Variants in CTNNBL1 observed in about 807,000 individuals in gnomAD.
CTNNBL1 encodes the protein catenin beta like 1.
Under a neutral mutation model 72.7 loss-of-function variants are expected in CTNNBL1, and 31 were observed. That is an observed-to-expected ratio of 0.43 (90% CI 0.32 to 0.58). CTNNBL1 has a LOEUF of 0.58. CTNNBL1 is among the 20% of genes least tolerant of loss of function. The pLI is 0.08. For missense variants in CTNNBL1, 534 were observed against 725.1 expected, an observed-to-expected ratio of 0.74 and a Z score of 3.03; for synonymous variants, 240 against 267.3, an observed-to-expected ratio of 0.90 and a Z score of 1.00.
chr20:37,798,830 G>T (rs1039792837), intron 10 of CTNNBL1, among the ~76,000 whole-genome samples: 1 of 152,104 alleles, frequency 6.6e-6, no homozygotes, highest in Non-Finnish European at 1.5e-5. Flanking sequence ...TTTTATGACC[G>T]CCATTCATTT....
intron 1 of CTNNBL1, among the ~76,000 whole-genome samples, chr20:37,718,501 G>A (rs1161308862): frequency 2.2e-5 from 3 of 138,652 alleles, no homozygotes; most frequent in South Asian, 2.4e-4. Flanking sequence ...GCGGCTGGCC[G>A]GGCAGAGGGG....
chr20:37,740,290 C>T (rs1428910852), intron 3 of CTNNBL1, among the ~76,000 whole-genome samples: 1 of 152,014 alleles, frequency 6.6e-6, no homozygotes, highest in African/African-American at 2.4e-5. Context: ...TCGTAATTCT[C>T]TAGATCAGCG....
intron 5 of CTNNBL1, among the ~76,000 whole-genome samples, chr20:37,763,066 T>G (rs1326522211): frequency 6.6e-6 from 1 of 152,152 alleles, no homozygotes; most frequent in East Asian, 1.9e-4. Context: ...AATAAGCAAT[T>G]GAAATTGGTG....
chr20:37,808,741 C>A (rs1342716207), intron 11 of CTNNBL1, among the ~76,000 whole-genome samples: 1 of 152,096 alleles, frequency 6.6e-6, no homozygotes, highest in Admixed American at 6.6e-5. Context: ...GGTTGACTCC[C>A]AGATCTTCAG....
intron 1 of CTNNBL1, among the ~76,000 whole-genome samples, chr20:37,707,812 T>TGATTTAA (rs368558973): frequency 6.6e-5 from 10 of 152,340 alleles, no homozygotes; most frequent in Middle Eastern, 3.4e-3. Context: ...GTATAGCTTT[T>TGATTTAA]GATTTAAAGT....
intron 3 of CTNNBL1, among the ~76,000 whole-genome samples, chr20:37,746,028 C>T (rs747630178): frequency 2.6e-5 from 4 of 152,168 alleles, no homozygotes; most frequent in Non-Finnish European, 5.9e-5. Context: ...AAAATCTTAT[C>T]TTCTTTGGTA....
intron 1 of CTNNBL1, among the ~76,000 whole-genome samples, chr20:37,706,950 A>G (rs1030934674): frequency 5.9e-5 from 9 of 152,184 alleles, no homozygotes; most frequent in Non-Finnish European, 1.2e-4. Context: ...GTACATCTCC[A>G]TCAGACCTCT....
chr20:37,848,223 C>G (rs1000100155), intron 13 of CTNNBL1, among the ~76,000 whole-genome samples: 1 of 147,978 alleles, frequency 6.8e-6, no homozygotes, highest in Non-Finnish European at 1.5e-5. Context: ...GGCGTGATCA[C>G]AGCTCACTGC....
chr20:37,868,651 C>A (rs988293908), intron 15 of CTNNBL1, among the ~76,000 whole-genome samples: 2 of 152,114 alleles, frequency 1.3e-5, no homozygotes, highest in Non-Finnish European at 2.9e-5. Flanking sequence ...AGGAGACTTG[C>A]GCATAGGATG....
intron 4 of CTNNBL1, among the ~76,000 whole-genome samples, chr20:37,747,741 AT>A (rs539768532): frequency 2.0e-5 from 3 of 150,090 alleles, no homozygotes; most frequent in Non-Finnish European, 4.5e-5. Flanking sequence ...TGCCTAGCTA[AT>A]TTTTTTTTTA....
At chr20:37,871,836 G>A (rs754925981) in intron 15 of CTNNBL1, 89 bp from the exon 16 acceptor site, 196 of 1,148,932 alleles carry the variant, frequency 1.7e-4, no homozygotes, top group Non-Finnish European at 2.4e-4. Context: ...CTCTGTGGGA[G>A]CTGGGGTTCT....
chr20:37,819,306 G>T (rs1341530951), intron 11 of CTNNBL1, among the ~76,000 whole-genome samples: 3 of 152,106 alleles, frequency 2.0e-5, no homozygotes, highest in African/African-American at 7.2e-5. Context: ...CATTATTTTT[G>T]ATTGATCTTA....
At chr20:37,787,343 G>GTTTTTT (rs11482375) in intron 10 of CTNNBL1, among the ~76,000 whole-genome samples, 10 of 107,188 alleles carry the variant, frequency 9.3e-5, no homozygotes, top group Non-Finnish European at 1.1e-4. Flanking sequence ...ATAACTGTGT[G>GTTTTTT]TTTTTTTTTT....
intron 10 of CTNNBL1, among the ~76,000 whole-genome samples, chr20:37,801,438 G>C (rs1459714940): frequency 2.0e-5 from 3 of 152,158 alleles, no homozygotes; most frequent in Non-Finnish European, 4.4e-5. Context: ...AATAATTTAA[G>C]ATTGTAGAAA....
At chr20:37,823,322 G>A (rs1568796988) in intron 11 of CTNNBL1, among the ~76,000 whole-genome samples, 1 of 152,296 alleles carries the variant, frequency 6.6e-6, no homozygotes, top group East Asian at 1.9e-4. Context: ...TCTAACTGCC[G>A]CCTGACTGGC....
intron 12 of CTNNBL1, 118 bp from the exon 13 acceptor site, chr20:37,842,221 G>A: frequency 1.4e-6 from 1 of 715,798 alleles, no homozygotes; most frequent in Non-Finnish European, 2.5e-6. Context: ...GCTGTAAGGA[G>A]TGCCAGAGCG....
chr20:37,765,402 C>T, intron 6 of CTNNBL1, 112 bp downstream of exon 6: 2 of 666,100 alleles, frequency 3.0e-6, no homozygotes, highest in African/African-American at 3.6e-5. Context: ...TGTTTTCCTT[C>T]CTTCTGCTCC....
chr20:37,806,060 C>G (rs539553631), intron 11 of CTNNBL1, among the ~76,000 whole-genome samples: 2 of 152,328 alleles, frequency 1.3e-5, no homozygotes, highest in East Asian at 3.9e-4. Context: ...AGTGAAGGGT[C>G]TTTCATCCAG....
At chr20:37,797,542 T>C (rs2122726323) in intron 10 of CTNNBL1, among the ~76,000 whole-genome samples, 1 of 152,250 alleles carries the variant, frequency 6.6e-6, no homozygotes, top group East Asian at 1.9e-4. Context: ...GATGACTCTT[T>C]CAAAATTTTC....
Sources: gnomAD v4.1 joint callset for allele counts (sites outside exome capture counted in the v4.1 genomes callset) on GRCh38, gnomAD v4.1.1 for gene constraint, MANE v1.5 for transcripts, NCBI Gene and HGNC (gene_info 2026-07-23, HGNC 2026-07-21) for gene names.